The following NOP14 variants were observed in gnomAD, a reference collection of about 807,000 sequenced individuals.
The protein encoded by NOP14 is NOP14 nucleolar protein.
In NOP14, 57 loss-of-function variants were observed where a neutral mutation model predicts 101.6. The observed-to-expected ratio is 0.56, with a 90% confidence interval of 0.45 to 0.70. NOP14 has a LOEUF of 0.70. Ranked by LOEUF, NOP14 falls within the 30% of genes least tolerant of loss-of-function variation. The pLI is 0.00. For missense variants in NOP14, 1,134 were observed against 1,075.5 expected, an observed-to-expected ratio of 1.05 and a Z score of -0.76; for synonymous variants, 428 against 424.0, an observed-to-expected ratio of 1.01 and a Z score of -0.12.
At chr4:2,948,004 C>G (rs558275718) in intron 9 of NOP14, among the ~76,000 whole-genome samples, 1 of 152,356 alleles carries the variant, frequency 6.6e-6, no homozygotes. Flanking sequence ...CTATGTGAAC[C>G]CTAGTGTCCT....
intron 2 of NOP14, 142 bp from the exon 3 acceptor site, chr4:2,956,953 C>CA: frequency 1.5e-5 from 10 of 673,684 alleles, no homozygotes; most frequent in Non-Finnish European, 1.2e-5. Flanking sequence ...TATTTTGGGT[C>CA]AACTAAGCAA....
In NOP14 at chr4:2,963,320, G is replaced by A. The variant is rs1260524140; in HGVS notation, c.-1C>T. 1.3e-6 allele frequency: 2 copies of A among 1,574,066 alleles called. No homozygotes were observed. Among genetic ancestry groups the A allele is most frequent in the East Asian group, 2.4e-5 (1 of 41,370 alleles). On this transcript the variant is annotated 5_prime_UTR_variant, in exon 1 of 18. Coordinates refer to ENST00000416614, the MANE Select transcript of NOP14 (RefSeq NM_001291978.2). The stretch of plus-strand genomic sequence containing the variant: ...CCCCGACCTTCTTCGCCTTCGCCAT[G>A]GCGCGCGCCCCGCTGCGCCCAAGGG...
chr4:2,963,353 C>G lies in NOP14; in HGVS notation c.-34G>C, dbSNP rs114678550. 1.8e-3 allele frequency: 2,763 copies of G among 1,519,566 alleles called. 53 individuals carry two copies. In the African/African-American group the frequency reaches 0.037, roughly 20 times the overall value. The allele number at this position is 1,519,566 out of a possible 1,614,324, so 94.1% of individuals were successfully genotyped here. On this transcript the variant is annotated 5_prime_UTR_variant, in exon 1 of 18. Transcript: ENST00000416614. ...CCCCGCTGCGCCCAAGGGCCCGAGA[C>G]CCGAAGAGAGACAGGCGCGCGCTAC...
At chr4:2,952,504 G>A (rs1159268761) in intron 5 of NOP14, 107 bp from the exon 6 acceptor site, 5 of 1,002,568 alleles carry the variant, frequency 5.0e-6, no homozygotes, top group Admixed American at 2.9e-5. Context: ...GCTAGATAAT[G>A]TTATTGAAGT....
At chr4:2,947,343 G>A (rs892948938) in intron 10 of NOP14, 183 bp downstream of exon 10, 24 of 596,918 alleles carry the variant, frequency 4.0e-5, no homozygotes, top group Middle Eastern at 6.5e-4. Flanking sequence ...GGAGCGGCAC[G>A]TGTGAGAAGC....
chr4:2,942,169 C>T, intron 14 of NOP14, 23 bp downstream of exon 14: 1 of 1,607,796 alleles, frequency 6.2e-7, no homozygotes, highest in Non-Finnish European at 8.5e-7. Context: ...GCACAGGCCC[C>T]AAAGCGGGGT....
At chr4:2,958,068 C>T (rs1020183814) in intron 1 of NOP14, among the ~76,000 whole-genome samples, 4 of 152,252 alleles carry the variant, frequency 2.6e-5, no homozygotes, top group Admixed American at 1.3e-4. Flanking sequence ...AGGTTTAAAA[C>T]GTGCACATTT....
Position 2,939,526 on chromosome 4 carries a change from C to T in NOP14, c.2318+1G>A. 1 of 1,613,460 alleles carries T rather than the reference C, an allele frequency of 6.2e-7. No individual in the cohort carries two copies. Among genetic ancestry groups the T allele is most frequent in the South Asian group, 1.1e-5 (1 of 91,076 alleles). ...CCCAGGGAGATGCTGCCAGCACCCACACTTTGACCAGCCGGGGTGTGAAAA... is the reference window on the plus strand; with the variant it reads ...CCCAGGGAGATGCTGCCAGCACCCATACTTTGACCAGCCGGGGTGTGAAAA... On this transcript the variant is annotated splice_donor_variant, in intron 16 of 17. Coordinates refer to ENST00000416614, the MANE Select transcript of NOP14 (RefSeq NM_001291978.2). LOFTEE classifies it high-confidence loss of function.
rs113115990 is a variant in NOP14, at chr4:2,956,919, C to T, written c.331-108G>A. 1,742 of 982,210 alleles carry T rather than the reference C, an allele frequency of 1.8e-3. 16 individuals are homozygous for T. In the African/African-American group the frequency reaches 0.026, roughly 14 times the overall value. The allele number at this position is 982,210 out of a possible 1,614,324, so 60.8% of individuals were successfully genotyped here. A position where few individuals can be genotyped will look rare whatever the true frequency, so the allele number is the denominator to read the frequency against. ...TTCCATTATATTTGAAATATGACAA[C>T]GAATCCTAAGCAGCCTTAAAGAGTA... is the stretch of plus-strand genomic sequence containing the variant. On this transcript the variant is annotated intron_variant, in intron 2 of 17. Transcript: ENST00000416614.
rs578225930 is a variant in NOP14, at chr4:2,938,181, G to T, written c.*650C>A. 1.2e-5 allele frequency: 16 copies of T among 1,284,888 alleles called. No individual in the cohort carries two copies. The highest frequency in any genetic ancestry group is 2.1e-4 in the Middle Eastern group (1 of 4,674). 79.6% of individuals were successfully genotyped at this position (1,284,888 alleles called of 1,614,324 possible). On this transcript the variant is annotated 3_prime_UTR_variant, in exon 18 of 18. Transcript: ENST00000416614. Reference sequence around the variant, plus strand: ...AGAAACAAAACCGCAGGCAGCGGGTGGGGGGAGCTGGAGGTTGGAATCACA... The same window carrying T: ...AGAAACAAAACCGCAGGCAGCGGGTTGGGGGAGCTGGAGGTTGGAATCACA...
Position 2,938,718 on chromosome 4 carries a change from G to C in NOP14, c.*113C>G. 1.2e-6 allele frequency: 1 copy of C among 802,030 alleles called. No individual in the cohort carries two copies. The highest frequency in any genetic ancestry group is 2.0e-6 in the Non-Finnish European group (1 of 492,692). 49.7% of individuals were successfully genotyped at this position (802,030 alleles called of 1,614,324 possible). On this transcript the variant is annotated 3_prime_UTR_variant, in exon 18 of 18. Transcript: ENST00000416614. ...AGACGGGGTCTTCCTGTGTTGCCCA[G>C]GCTGGTCTCGAACTCCTGGGCTGAA...
intron 1 of NOP14, among the ~76,000 whole-genome samples, chr4:2,961,182 T>C (rs1457310084): frequency 1.5e-5 from 1 of 67,390 alleles, no homozygotes; most frequent in Non-Finnish European, 2.5e-5. Context: ...TACAATAATA[T>C]ATTAATATGC....
At chr4:2,953,714 C>T in intron 4 of NOP14, 69 bp from the exon 5 acceptor site, 1 of 1,578,544 alleles carries the variant, frequency 6.3e-7, no homozygotes, top group African/African-American at 1.3e-5. Context: ...GGCCCAATGT[C>T]AGTGCCAAGG....
In NOP14 at chr4:2,938,544, T is replaced by C. The variant is rs1713854558; in HGVS notation, c.*287A>G. 1 of 448,018 alleles carries C rather than the reference T, an allele frequency of 2.2e-6. No individual in the cohort carries two copies. The allele number at this position is 448,018 out of a possible 1,614,324, so 27.8% of individuals were successfully genotyped here. A position where few individuals can be genotyped will look rare whatever the true frequency, so the allele number is the denominator to read the frequency against. On this transcript the variant is annotated 3_prime_UTR_variant, in exon 18 of 18. Transcript: ENST00000416614. ...TTTTTTAAGCGACACAGTCTTGCAC[T>C]GTGGCCGAGGCTGGAGTGCAGTGGC...
intron 12 of NOP14, among the ~76,000 whole-genome samples, chr4:2,944,686 C>T (rs950526814): frequency 2.0e-5 from 3 of 152,206 alleles, no homozygotes; most frequent in Non-Finnish European, 4.4e-5. Context: ...GGATTACAGG[C>T]GTGAGCCACC....
intron 13 of NOP14, among the ~76,000 whole-genome samples, chr4:2,942,691 C>A (rs893000280): frequency 2.0e-5 from 3 of 152,192 alleles, no homozygotes; most frequent in Admixed American, 6.5e-5. Context: ...GTCGGGGAGA[C>A]AGGCAGTGCA....
intron 1 of NOP14, among the ~76,000 whole-genome samples, chr4:2,959,350 T>A (rs532861665): frequency 6.6e-6 from 1 of 152,162 alleles, no homozygotes; most frequent in Non-Finnish European, 1.5e-5. Context: ...TCCAGCACTC[T>A]GGGAGGCCAA....
rs971132159 is a variant in NOP14, at chr4:2,946,786, C to T, written c.1500-239G>A. 32 of 518,686 alleles carry T rather than the reference C, an allele frequency of 6.2e-5. No homozygotes were observed. In the Admixed American group the frequency reaches 6.6e-4, roughly 11 times the overall value. 32.1% of individuals were successfully genotyped at this position (518,686 alleles called of 1,614,324 possible). A position where few individuals can be genotyped will look rare whatever the true frequency, so the allele number is the denominator to read the frequency against. On this transcript the variant is annotated intron_variant, in intron 10 of 17. Coordinates refer to ENST00000416614, the MANE Select transcript of NOP14 (RefSeq NM_001291978.2). ...GAAACAGCTCGATTTGTGGTACAGA[C>T]GTTGTTGGGGGCACCACTCTGTGTG...
intron 16 of NOP14, 29 bp from the exon 17 acceptor site, chr4:2,939,372 G>A (rs1444117105): frequency 2.5e-6 from 4 of 1,613,674 alleles, no homozygotes; most frequent in Non-Finnish European, 3.4e-6. Flanking sequence ...TGTTAAGGAA[G>A]CAAGAGTCTG....
Sources: allele counts gnomAD v4.1 joint callset (sites outside exome capture counted in the v4.1 genomes callset), GRCh38; gene constraint gnomAD v4.1.1; transcripts MANE v1.5; gene names NCBI Gene and HGNC (gene_info 2026-07-23, HGNC 2026-07-21).